Variants in NR6A1 observed in about 807,000 individuals in gnomAD.
The protein encoded by NR6A1 is retinoic acid receptor-related testis-associated receptor.
Under a neutral mutation model 59.1 loss-of-function variants are expected in NR6A1, and 7 were observed. The observed-to-expected ratio is 0.12, with a 90% CI of 0.07 to 0.22. The LOEUF is 0.22. Ranked by LOEUF, NR6A1 falls within the 10% of genes least tolerant of loss-of-function variation. NR6A1 has a pLI of 1.00. For missense variants in NR6A1, 468 were observed against 611.6 expected (o/e 0.77, Z 2.48); for synonymous variants, 243 against 236.1 (o/e 1.03, Z -0.27).
intron 3 of NR6A1, 25 bp from the exon 4 acceptor site, chr9:124,543,882 A>T: frequency 1.2e-6 from 2 of 1,609,818 alleles, no homozygotes; most frequent in Non-Finnish European, 1.7e-6. Flanking sequence ...AAGTCAAGAA[A>T]GGCAGTCAGA....
chr9:124,703,556 T>TTTATGTG (rs1839031330), intron 2 of NR6A1, among the ~76,000 whole-genome samples: 1 of 152,152 alleles, frequency 6.6e-6, no homozygotes. Context: ...ATACTGCATT[T>TTTATGTG]TTATGTGTTA....
At chr9:124,538,948 C>T (rs1468567108) in intron 5 of NR6A1, among the ~76,000 whole-genome samples, 1 of 150,440 alleles carries the variant, frequency 6.6e-6, no homozygotes, top group Non-Finnish European at 1.5e-5. Flanking sequence ...TGGTGTGCAC[C>T]TACAGTTTCA....
At chr9:124,534,440 G>T (rs1368062421) in intron 7 of NR6A1, among the ~76,000 whole-genome samples, 1 of 152,060 alleles carries the variant, frequency 6.6e-6, no homozygotes, top group Non-Finnish European at 1.5e-5. Context: ...TGATTTTAGG[G>T]GTCAGAAAAT....
At chr9:124,714,088 T>C (rs1232871351) in intron 2 of NR6A1, among the ~76,000 whole-genome samples, 2 of 152,156 alleles carry the variant, frequency 1.3e-5, no homozygotes, top group African/African-American at 2.4e-5. Context: ...TCTAACACTA[T>C]ACAACATAGA....
intron 2 of NR6A1, among the ~76,000 whole-genome samples, chr9:124,597,176 A>G (rs954110379): frequency 1.3e-5 from 2 of 152,198 alleles, no homozygotes; most frequent in Admixed American, 6.5e-5. Flanking sequence ...AAAGTGACCA[A>G]TGATTTAGAC....
chr9:124,768,620 G>A (rs1477741481), intron 1 of NR6A1, among the ~76,000 whole-genome samples: 1 of 152,136 alleles, frequency 6.6e-6, no homozygotes, highest in Non-Finnish European at 1.5e-5. Context: ...CTAATGTAAA[G>A]CTTTAAAGCC....
intron 2 of NR6A1, among the ~76,000 whole-genome samples, chr9:124,726,210 T>G (rs1157015072): frequency 6.6e-6 from 1 of 152,164 alleles, no homozygotes; most frequent in African/African-American, 2.4e-5. Flanking sequence ...TGACTGTAAC[T>G]GTGTATGTCC....
At chr9:124,606,612 C>G (rs1351271783) in intron 2 of NR6A1, among the ~76,000 whole-genome samples, 1 of 152,208 alleles carries the variant, frequency 6.6e-6, no homozygotes, top group Admixed American at 6.5e-5. Flanking sequence ...TTGGGCAAGG[C>G]ACTTCAATTC....
chr9:124,771,037 G>A lies in NR6A1; in HGVS notation c.83C>T (p.Pro28Leu), dbSNP rs1841141152. 4.1e-6 allele frequency: 5 copies of A among 1,230,288 alleles called. No homozygotes were observed. In the South Asian group the frequency reaches 1.6e-4, roughly 40 times the overall value. 76.2% of individuals were successfully genotyped at this position (1,230,288 alleles called of 1,614,324 possible). Residue 28 changes from proline to leucine, a missense_variant, in exon 1 of 10, where the codon CCT becomes CTT. Transcript: ENST00000487099. ...AGFLEPPAALPPPPRNGFCQD... is the reference protein window; with the variant it reads ...AGFLEPPAALLPPPRNGFCQD... ...TCACCCACCGTTGCGCGGCGGCGGA[G>A]GGAGCGCGGCGGGAGGCTCCAGGAA...
At chr9:124,760,363 A>G (rs1008635682) in intron 1 of NR6A1, among the ~76,000 whole-genome samples, 3 of 152,090 alleles carry the variant, frequency 2.0e-5, no homozygotes, top group Admixed American at 6.5e-5. Flanking sequence ...AGCATGAGAG[A>G]AAAGAAAAAA....
intron 5 of NR6A1, among the ~76,000 whole-genome samples, chr9:124,539,533 C>A (rs1279100174): frequency 6.6e-6 from 1 of 152,222 alleles, no homozygotes; most frequent in Non-Finnish European, 1.5e-5. Context: ...CTATTTCACA[C>A]TCGACAACTA....
chr9:124,768,706 G>A (rs1417962631), intron 1 of NR6A1, among the ~76,000 whole-genome samples: 2 of 152,154 alleles, frequency 1.3e-5, no homozygotes, highest in Admixed American at 1.3e-4. Context: ...GACTATGAAT[G>A]GGAAATCTGA....
At chr9:124,666,482 T>G (rs1671762299) in intron 2 of NR6A1, among the ~76,000 whole-genome samples, 3 of 152,148 alleles carry the variant, frequency 2.0e-5, no homozygotes, top group Admixed American at 1.3e-4. Flanking sequence ...TTTTGCCATG[T>G]TGCCCAGGCT....
intron 1 of NR6A1, among the ~76,000 whole-genome samples, chr9:124,749,031 G>A (rs979933414): frequency 1.3e-5 from 2 of 152,224 alleles, no homozygotes; most frequent in African/African-American, 4.8e-5. Flanking sequence ...GGGAGGCCAA[G>A]GCGGGCGGAT....
intron 2 of NR6A1, among the ~76,000 whole-genome samples, chr9:124,714,102 A>C (rs761792810): frequency 1.5e-4 from 23 of 152,192 alleles, no homozygotes; most frequent in Non-Finnish European, 2.9e-5. Context: ...ACATAGATAA[A>C]CTTTAGGCAC....
At chr9:124,664,933 G>T (rs1288308610) in intron 2 of NR6A1, among the ~76,000 whole-genome samples, 1 of 147,914 alleles carries the variant, frequency 6.8e-6, no homozygotes, top group Admixed American at 6.9e-5. Flanking sequence ...AGCACTTTGG[G>T]AGGCAAAGCT....
intron 1 of NR6A1, among the ~76,000 whole-genome samples, chr9:124,764,265 G>A (rs1840866826): frequency 6.6e-6 from 1 of 152,132 alleles, no homozygotes; most frequent in African/African-American, 2.4e-5. Context: ...TTTTGCGGTA[G>A]ATTTGTTACT....
At chr9:124,733,197 C>A (rs927029004) in intron 2 of NR6A1, 111 bp downstream of exon 2, 2 of 774,024 alleles carry the variant, frequency 2.6e-6, no homozygotes, top group South Asian at 1.6e-5. Context: ...GAAATAAAAT[C>A]TGAGAGTCAA....
chr9:124,547,395 C>A (rs1056972544), intron 3 of NR6A1, among the ~76,000 whole-genome samples: 3 of 152,156 alleles, frequency 2.0e-5, no homozygotes, highest in Admixed American at 1.3e-4. Context: ...TCTGGTGGGA[C>A]CCCTCATCCT....
Sources: allele counts gnomAD v4.1 joint callset (sites outside exome capture counted in the v4.1 genomes callset), GRCh38; gene constraint gnomAD v4.1.1; transcripts MANE v1.5; gene names NCBI Gene and HGNC (gene_info 2026-07-23, HGNC 2026-07-21).